HTN1: variants seen among roughly 807,000 people sequenced by gnomAD.
The protein encoded by HTN1 is histatin 1.
In HTN1, 18 loss-of-function variants were observed where a neutral mutation model predicts 11.2. The observed-to-expected ratio is 1.61, with a 90% confidence interval of 1.12 to 2.39. The LOEUF (loss-of-function observed/expected upper bound fraction) is 2.39. HTN1 is among the 30% of genes most tolerant of loss of function. The pLI is 0.00. For missense variants in HTN1, 80 were observed against 67.2 expected (o/e 1.19, Z -0.67); for synonymous variants, 21 against 20.5 (o/e 1.02, Z -0.07).
intron 1 of HTN1, among the ~76,000 whole-genome samples, chr4:70,050,720 T>C (rs1381698383): frequency 6.6e-6 from 1 of 152,196 alleles, no homozygotes; most frequent in African/African-American, 2.4e-5. Flanking sequence ...ATCTAATAAA[T>C]ATTTCCTTTA....
At position 70,058,816 on chromosome 4, in the gene HTN1, C is replaced by T. The variant is rs1483437458; in HGVS notation, c.*270C>T. On this transcript the variant is annotated 3_prime_UTR_variant, in exon 6 of 6. Coordinates refer to ENST00000246896, the MANE Select transcript of HTN1 (RefSeq NM_002159.4). ...TTCTGAGTAATAGAAATTCATTCCT[C>T]TCCAAAAGCAATAAATTTCTAGCAC... The T allele has an allele frequency of 1.3e-5, 2 of 152,168 alleles. No individual in the cohort carries two copies. The highest frequency in any genetic ancestry group is 2.9e-5 in the Non-Finnish European group (2 of 68,018). 9.4% of individuals were successfully genotyped at this position (152,168 alleles called of 1,614,324 possible).
chr4:70,050,759 T>C (rs1467695273), intron 1 of HTN1, among the ~76,000 whole-genome samples: 2 of 152,146 alleles, frequency 1.3e-5, no homozygotes, highest in African/African-American at 4.8e-5. Flanking sequence ...CATTTTATTT[T>C]ATTTTATTTT....
At chr4:70,052,793 TA>T (rs35058239) in intron 1 of HTN1, 15,088 of 215,414 alleles carry the variant, frequency 0.07, 100 homozygotes, top group East Asian at 0.1. Flanking sequence ...CATTCTCTAC[TA>T]AAAAAAAAAA....
At position 70,055,596 on chromosome 4, in the gene HTN1, T is replaced by C. The variant is rs1210029236; in HGVS notation, c.*27T>C. 4 of 1,387,364 alleles carry C rather than the reference T, an allele frequency of 2.9e-6. No individual in the cohort carries two copies. Among genetic ancestry groups the C allele is most frequent in the Non-Finnish European group, 4.1e-6 (4 of 976,202 alleles). The allele number at this position is 1,387,364 out of a possible 1,614,324, so 85.9% of individuals were successfully genotyped here. A position where few individuals can be genotyped will look rare whatever the true frequency, so the allele number is the denominator to read the frequency against. On this transcript the variant is annotated 3_prime_UTR_variant, in exon 5 of 6. Transcript: ENST00000246896. ...ATCCTTAGTAATCATGGGGCATGATTATAGAGGTAAGCTGACTCTAGTTGC... is the reference window on the plus strand; with the variant it reads ...ATCCTTAGTAATCATGGGGCATGATCATAGAGGTAAGCTGACTCTAGTTGC...
intron 4 of HTN1, 50 bp downstream of exon 4, chr4:70,054,500 CTATT>C: frequency 3.5e-6 from 4 of 1,137,846 alleles, no homozygotes; most frequent in Non-Finnish European, 5.2e-6. Context: ...TCCTCTCTGA[CTATT>C]TATTCTCCTA....
At chr4:70,052,336 T>C (rs1725915177) in intron 1 of HTN1, among the ~76,000 whole-genome samples, 1 of 152,132 alleles carries the variant, frequency 6.6e-6, no homozygotes. Context: ...TTTCCTAATA[T>C]CTCTTTACAC....
intron 1 of HTN1, among the ~76,000 whole-genome samples, chr4:70,051,969 G>A (rs956780313): frequency 1.3e-5 from 2 of 152,026 alleles, no homozygotes; most frequent in African/African-American, 4.8e-5. Context: ...TTTTCCAATG[G>A]AAATGCTTTT....
intron 1 of HTN1, 190 bp from the exon 2 acceptor site, chr4:70,052,874 G>A: frequency 2.0e-6 from 1 of 505,256 alleles, no homozygotes; most frequent in South Asian, 3.0e-5. Context: ...GGACTAGGGA[G>A]GCTAAGGTGG....
rs910049458 is a variant in HTN1, at chr4:70,058,752, T to C, written c.*206T>C. ...CCTTCCTAATTATCATTTGATTAGA[T>C]ACTTGCAATTTAAACTGTTAAGCTG... On this transcript the variant is annotated 3_prime_UTR_variant, in exon 6 of 6. Coordinates refer to ENST00000246896, the MANE Select transcript of HTN1 (RefSeq NM_002159.4). 24 of 152,190 alleles carry C rather than the reference T, an allele frequency of 1.6e-4. No homozygotes were observed. Among genetic ancestry groups the C allele is most frequent in the Non-Finnish European group, 2.9e-5 (2 of 68,000 alleles). 9.4% of individuals were successfully genotyped at this position (152,190 alleles called of 1,614,324 possible).
intron 1 of HTN1, among the ~76,000 whole-genome samples, chr4:70,051,051 G>A (rs561726757): frequency 1.3e-5 from 2 of 151,994 alleles, no homozygotes; most frequent in Non-Finnish European, 2.9e-5. Flanking sequence ...CCTCTCTGAT[G>A]GTGGGACCTC....
chr4:70,051,546 C>G (rs1725893917), intron 1 of HTN1, among the ~76,000 whole-genome samples: 1 of 152,042 alleles, frequency 6.6e-6, no homozygotes, highest in Non-Finnish European at 1.5e-5. Flanking sequence ...TTTGTACTTG[C>G]AACAGAATTG....
chr4:70,051,147 C>T (rs1725881564), intron 1 of HTN1, among the ~76,000 whole-genome samples: 1 of 152,234 alleles, frequency 6.6e-6, no homozygotes, highest in South Asian at 2.1e-4. Context: ...ACCAGGAGTT[C>T]AAATTTTACA....
intron 2 of HTN1, among the ~76,000 whole-genome samples, chr4:70,053,632 A>G (rs1725955659): frequency 6.6e-6 from 1 of 152,154 alleles, no homozygotes; most frequent in Non-Finnish European, 1.5e-5. Flanking sequence ...CATATTTATT[A>G]AGTGTCATGA....
chr4:70,058,194 A>T (rs1458332032), intron 5 of HTN1: 1 of 152,180 alleles, frequency 6.6e-6, no homozygotes, highest in Non-Finnish European at 1.5e-5. Flanking sequence ...TCTTTGTGAT[A>T]TCAGAAAAAG....
intron 4 of HTN1, 122 bp downstream of exon 4, chr4:70,054,572 T>C (rs1248759076): frequency 4.6e-6 from 3 of 651,628 alleles, no homozygotes; most frequent in Non-Finnish European, 7.7e-6. Flanking sequence ...AAAGTGCACA[T>C]TGATTTCATT....
In HTN1 at chr4:70,051,033, T is replaced by C. The variant is rs368276333; in HGVS notation, c.-14+538T>C. Among the ~76,000 whole-genome samples the C allele has an allele frequency of 5.9e-5, 9 of 152,296 alleles. No individual in the cohort carries two copies. The East Asian group carries it at 1.7e-3, about 29-fold the overall frequency. ...GTAAATTATGTGGAATATGGCAATG[T>C]ATTACATCCTCTCTGATGGTGGGAC... On this transcript the variant is annotated intron_variant, in intron 1 of 5. Coordinates refer to ENST00000246896, the MANE Select transcript of HTN1 (RefSeq NM_002159.4).
chr4:70,050,558 A>G (rs1725866738), intron 1 of HTN1, 63 bp downstream of exon 1: 2 of 152,172 alleles, frequency 1.3e-5, no homozygotes, highest in Admixed American at 1.3e-4. Flanking sequence ...GCTAAAATCA[A>G]TAGTAACCCA....
intron 5 of HTN1, chr4:70,058,297 A>C (rs1280025921): frequency 1.3e-5 from 2 of 152,098 alleles, no homozygotes; most frequent in African/African-American, 2.4e-5. Flanking sequence ...AGATAGATGA[A>C]ATGTGTAGGC....
intron 1 of HTN1, 150 bp from the exon 2 acceptor site, chr4:70,052,914 C>A (rs1482393483): frequency 3.3e-6 from 2 of 613,192 alleles, no homozygotes; most frequent in Non-Finnish European, 6.0e-6. Flanking sequence ...ATGGTCCAGG[C>A]TGCAGTGATC....
Sources: gnomAD v4.1 joint callset for allele counts (sites outside exome capture counted in the v4.1 genomes callset) on GRCh38, gnomAD v4.1.1 for gene constraint, MANE v1.5 for transcripts, NCBI Gene and HGNC (gene_info 2026-07-23, HGNC 2026-07-21) for gene names.